Variants in ELMOD2 observed in about 807,000 individuals in gnomAD.
ELMOD2 encodes the protein ELMO domain containing 2.
In ELMOD2, 28 loss-of-function variants were observed where a neutral mutation model predicts 41.0. The observed-to-expected ratio is 0.68, with a 90% CI of 0.51 to 0.94. The LOEUF (loss-of-function observed/expected upper bound fraction) is 0.94. ELMOD2 is among the 40% of genes least tolerant of loss of function. The pLI, the probability that ELMOD2 is intolerant of heterozygous loss-of-function variation, is 0.00. For missense variants in ELMOD2, 333 were observed against 343.1 expected, an observed-to-expected ratio of 0.97 and a Z score of 0.23; for synonymous variants, 106 against 107.2, an observed-to-expected ratio of 0.99 and a Z score of 0.07.
At chr4:140,546,097 C>T (rs915345476) in intron 8 of ELMOD2, among the ~76,000 whole-genome samples, 1 of 152,106 alleles carries the variant, frequency 6.6e-6, no homozygotes, top group African/African-American at 2.4e-5. Flanking sequence ...AAATGTCCAA[C>T]AATGATAGAC....
intron 4 of ELMOD2, among the ~76,000 whole-genome samples, chr4:140,537,134 T>C (rs975928485): frequency 2.6e-5 from 4 of 152,166 alleles, no homozygotes; most frequent in African/African-American, 9.7e-5. Flanking sequence ...GATTTAGGAA[T>C]GTATAGGATT....
intron 3 of ELMOD2, chr4:140,527,842 A>G (rs1578755183): frequency 4.9e-6 from 1 of 204,016 alleles, no homozygotes. Context: ...AGGATAGAGA[A>G]AACCCTGGGT....
chr4:140,526,009 A>T (rs1025605866), intron 2 of ELMOD2, among the ~76,000 whole-genome samples: 2 of 152,216 alleles, frequency 1.3e-5, no homozygotes, highest in African/African-American at 4.8e-5. Flanking sequence ...AGTGGTCTCT[A>T]GGAAAGATTA....
chr4:140,534,140 A>G (rs934457350), intron 3 of ELMOD2, among the ~76,000 whole-genome samples: 1 of 152,192 alleles, frequency 6.6e-6, no homozygotes, highest in Non-Finnish European at 1.5e-5. Context: ...ACTGGGAACA[A>G]TGCAAATTTC....
At chr4:140,543,837 G>A (rs903334956) in intron 8 of ELMOD2, among the ~76,000 whole-genome samples, 3 of 152,074 alleles carry the variant, frequency 2.0e-5, no homozygotes, top group African/African-American at 7.2e-5. Flanking sequence ...TAAGATTCAT[G>A]TAATTTTTCT....
chr4:140,553,526 A>G lies in ELMOD2; in HGVS notation c.*3151A>G, dbSNP rs1735523695. 6.6e-6 allele frequency: 1 copy of G among 152,246 alleles called. No homozygotes were observed. The highest frequency in any genetic ancestry group is 2.1e-4 in the South Asian group (1 of 4,832). 9.4% of individuals were successfully genotyped at this position (152,246 alleles called of 1,614,324 possible). ...TTTCTGTATTCATTTTTTAATGAGAAAAGTTTTAAATGTAGTACAGGTTAG... is the reference window on the plus strand; with the variant it reads ...TTTCTGTATTCATTTTTTAATGAGAGAAGTTTTAAATGTAGTACAGGTTAG... On this transcript the variant is annotated 3_prime_UTR_variant, in exon 9 of 9. Coordinates refer to ENST00000323570, the MANE Select transcript of ELMOD2 (RefSeq NM_153702.4).
intron 8 of ELMOD2, among the ~76,000 whole-genome samples, chr4:140,545,889 G>A (rs1322927634): frequency 6.6e-6 from 1 of 152,152 alleles, no homozygotes; most frequent in Non-Finnish European, 1.5e-5. Context: ...CTGTTGATGG[G>A]ACTGTAAACT....
chr4:140,538,786 A>C (rs1735011810), intron 5 of ELMOD2, among the ~76,000 whole-genome samples: 1 of 152,222 alleles, frequency 6.6e-6, no homozygotes, highest in South Asian at 2.1e-4. Context: ...TCCAAGGACC[A>C]CCTTTACTAG....
Position 140,552,934 on chromosome 4 carries a change from C to A in ELMOD2, c.*2559C>A, listed in dbSNP as rs1735505263. On this transcript the variant is annotated 3_prime_UTR_variant, in exon 9 of 9. Transcript: ENST00000323570. ...GAACCTATACCAACCTCTCTTTGTACATAAATATGGTGATGTAGCTAGATA... is the reference window on the plus strand; with the variant it reads ...GAACCTATACCAACCTCTCTTTGTAAATAAATATGGTGATGTAGCTAGATA... 6.6e-6 allele frequency: 1 copy of A among 152,034 alleles called. No individual in the cohort carries two copies. Among genetic ancestry groups the A allele is most frequent in the Non-Finnish European group, 1.5e-5 (1 of 67,964 alleles). 9.4% of individuals were successfully genotyped at this position (152,034 alleles called of 1,614,324 possible). A position where few individuals can be genotyped will look rare whatever the true frequency, so the allele number is the denominator to read the frequency against.
At chr4:140,537,698 T>C (rs879155010) in intron 5 of ELMOD2, among the ~76,000 whole-genome samples, 157 bp downstream of exon 5, 2 of 151,688 alleles carry the variant, frequency 1.3e-5, no homozygotes, top group African/African-American at 2.4e-5. Flanking sequence ...TTCACTGATA[T>C]GGAAAGATTT....
intron 5 of ELMOD2, among the ~76,000 whole-genome samples, chr4:140,538,496 A>G (rs1334691701): frequency 6.6e-6 from 1 of 152,164 alleles, no homozygotes; most frequent in East Asian, 1.9e-4. Flanking sequence ...TCAAAGGGTT[A>G]TTGTATGGAG....
At chr4:140,539,322 A>G (rs1735033326) in intron 5 of ELMOD2, among the ~76,000 whole-genome samples, 1 of 151,050 alleles carries the variant, frequency 6.6e-6, no homozygotes, top group Non-Finnish European at 1.5e-5. Context: ...TTTTGCATTG[A>G]GTAGTTTATT....
At position 140,552,146 on chromosome 4, in the gene ELMOD2, C is replaced by T. The variant is rs1053899582; in HGVS notation, c.*1771C>T. 7 of 151,960 alleles carry T rather than the reference C, an allele frequency of 4.6e-5. No homozygotes were observed. The highest frequency in any genetic ancestry group is 1.7e-4 in the African/African-American group (7 of 41,422). The allele number at this position is 151,960 out of a possible 1,614,324, so 9.4% of individuals were successfully genotyped here. ...CTATTACATGGAAAGCAATTCTGTT[C>T]ATCTTTTGATGTTTGTGTTGAAAAT... On this transcript the variant is annotated 3_prime_UTR_variant, in exon 9 of 9. Coordinates refer to ENST00000323570, the MANE Select transcript of ELMOD2 (RefSeq NM_153702.4).
At chr4:140,541,762 A>C (rs79385326) in intron 6 of ELMOD2, among the ~76,000 whole-genome samples, 18,083 of 152,072 alleles carry the variant, frequency 0.12, 1,168 homozygotes, top group Admixed American at 0.19. Flanking sequence ...CCCCTGGTGT[A>C]ATGGGTTGAA....
chr4:140,547,462 G>T (rs766380825), intron 8 of ELMOD2, among the ~76,000 whole-genome samples: 3 of 151,998 alleles, frequency 2.0e-5, no homozygotes, highest in Non-Finnish European at 2.9e-5. Context: ...TGTATATTCC[G>T]GTCTAGGATG....
chr4:140,531,292 A>G (rs1286413959), intron 3 of ELMOD2, among the ~76,000 whole-genome samples: 1 of 152,162 alleles, frequency 6.6e-6, no homozygotes, highest in Non-Finnish European at 1.5e-5. Context: ...TTAAAAATTG[A>G]ATCTTATTTG....
At chr4:140,529,972 A>C (rs1007626805) in intron 3 of ELMOD2, among the ~76,000 whole-genome samples, 1 of 152,310 alleles carries the variant, frequency 6.6e-6, no homozygotes, top group South Asian at 2.1e-4. Flanking sequence ...ATGTTTTTCT[A>C]GTACCTGAAA....
Position 140,527,498 on chromosome 4 carries a change from G to A in ELMOD2, c.171+4G>A. The stretch of plus-strand genomic sequence containing the variant: ...CTTGACATACTCCAAGAATAAGGTA[G>A]GATAACATAAAGGTGGTAACTCTAG... On this transcript the variant is annotated splice_donor_region_variant and intron_variant, in intron 3 of 8. Coordinates refer to ENST00000323570, the MANE Select transcript of ELMOD2 (RefSeq NM_153702.4). The A allele has an allele frequency of 6.4e-7, 1 of 1,569,436 alleles. No individual in the cohort carries two copies. The highest frequency in any genetic ancestry group is 1.4e-5 in the African/African-American group (1 of 70,636).
chr4:140,525,426 AAAAT>A lies in ELMOD2; in HGVS notation c.-2_2del, dbSNP rs1734528644. On this transcript the variant is annotated start_lost and 5_prime_UTR_variant, in exon 2 of 9. Transcript: ENST00000323570. ...GTATGTTTCCCTCCTCCAGGAAAAAAAAATGTTTATTTCTTTGTGGGAGTTCTTC... is the reference window on the plus strand; with the variant it reads ...GTATGTTTCCCTCCTCCAGGAAAAAAGTTTATTTCTTTGTGGGAGTTCTTC... 8 of 1,611,990 alleles carry A rather than the reference AAAAT, an allele frequency of 5.0e-6. No homozygotes were observed. The highest frequency in any genetic ancestry group is 6.8e-6 in the Non-Finnish European group (8 of 1,179,468).
Sources: gnomAD v4.1 joint callset for allele counts (sites outside exome capture counted in the v4.1 genomes callset) on GRCh38, gnomAD v4.1.1 for gene constraint, MANE v1.5 for transcripts, NCBI Gene and HGNC (gene_info 2026-07-23, HGNC 2026-07-21) for gene names.